The following RBFOX1 variants were observed in gnomAD, a reference collection of about 807,000 sequenced individuals.
RBFOX1 encodes the protein RNA binding fox-1 homolog 1, also known as RNA binding protein fox-1 homolog 1.
In RBFOX1, 8 loss-of-function variants were observed where a neutral mutation model predicts 57.7. The ratio of observed to expected loss-of-function variants is 0.14; its 90% CI spans 0.08 to 0.25. The LOEUF (loss-of-function observed/expected upper bound fraction) is 0.25. Among genes scored for constraint, RBFOX1 ranks in the 10% least tolerant of loss-of-function variants. The pLI is 1.00. For synonymous variants in RBFOX1, 326 were observed against 222.4 expected (o/e 1.47, Z -4.15); for missense variants, 611 against 548.5 (o/e 1.11, Z -1.14).
chr16:6,565,207 A>T (rs1234670958), intron 2 of RBFOX1, among the ~76,000 whole-genome samples: 1 of 151,540 alleles, frequency 6.6e-6, no homozygotes, highest in Non-Finnish European at 1.5e-5. Context: ...TAGAAAAGAC[A>T]AAGTACAAAT....
chr16:5,791,497 G>A (rs1342492802), intron 3 of RBFOX1, among the ~76,000 whole-genome samples: 1 of 152,122 alleles, frequency 6.6e-6, no homozygotes, highest in Non-Finnish European at 1.5e-5. Context: ...GGTCTATCGT[G>A]TTCATGCCTC....
At chr16:7,315,456 A>ACCCGCC (rs71391618) in intron 4 of RBFOX1, among the ~76,000 whole-genome samples, 1 of 123,770 alleles carries the variant, frequency 8.1e-6, no homozygotes, top group Non-Finnish European at 1.9e-5. Context: ...ACTCTACCCT[A>ACCCGCC]CCCCCCCCCC....
chr16:5,708,316 A>G (rs1016736298), intron 3 of RBFOX1, among the ~76,000 whole-genome samples: 5 of 152,184 alleles, frequency 3.3e-5, no homozygotes, highest in Non-Finnish European at 5.9e-5. Context: ...TGTTAGAGAT[A>G]AAGGACAAAA....
intron 2 of RBFOX1, among the ~76,000 whole-genome samples, chr16:6,648,876 T>C (rs2098554419): frequency 1.3e-5 from 2 of 152,240 alleles, no homozygotes; most frequent in African/African-American, 2.4e-5. Flanking sequence ...ATGTACAACA[T>C]GATGTTTGGA....
At chr16:5,397,145 C>G (rs1313213637) in intron 1 of RBFOX1, among the ~76,000 whole-genome samples, 1 of 152,198 alleles carries the variant, frequency 6.6e-6, no homozygotes, top group Non-Finnish European at 1.5e-5. Flanking sequence ...CAAAGTGAAA[C>G]CACAGGTGTC....
chr16:7,362,582 T>C (rs537706533), intron 4 of RBFOX1, among the ~76,000 whole-genome samples: 11 of 152,120 alleles, frequency 7.2e-5, no homozygotes, highest in Non-Finnish European at 1.5e-4. Context: ...TTAGTGTGTG[T>C]ATTAGTGTGT....
rs58070555 is a variant in RBFOX1, at chr16:5,435,688, CAT to C, written c.220-31527_220-31526del. Among the ~76,000 whole-genome samples, 52 of 152,300 alleles carry C rather than the reference CAT, an allele frequency of 3.4e-4. No homozygotes were observed. In the East Asian group the frequency reaches 8.3e-3, roughly 24 times the overall value. ...AATTTGGGAAGTCAGGGAAGGGAAA[CAT>C]GTGATCTCAAGCTGCCATATTGAAG... On this transcript the variant is annotated intron_variant, in intron 1 of 2. Coordinates refer to the RBFOX1 transcript ENST00000585867.
chr16:7,561,575 A>G (rs1182578715), intron 5 of RBFOX1, among the ~76,000 whole-genome samples: 1 of 152,226 alleles, frequency 6.6e-6, no homozygotes, highest in Admixed American at 6.5e-5. Flanking sequence ...TTTTGTTCAG[A>G]GACATATCGG....
chr16:7,043,966 C>A (rs1431239685), intron 3 of RBFOX1, among the ~76,000 whole-genome samples: 1 of 152,214 alleles, frequency 6.6e-6, no homozygotes, highest in Admixed American at 6.5e-5. Context: ...TTTTTCAATT[C>A]TCCAAGACAA....
chr16:6,796,542 G>C (rs2084097351), intron 3 of RBFOX1, among the ~76,000 whole-genome samples: 1 of 152,122 alleles, frequency 6.6e-6, no homozygotes. Flanking sequence ...TGTTGTCTAT[G>C]AATTCACTGC....
At chr16:6,450,079 T>G (rs1218631941) in intron 2 of RBFOX1, among the ~76,000 whole-genome samples, 1 of 152,166 alleles carries the variant, frequency 6.6e-6, no homozygotes, top group Non-Finnish European at 1.5e-5. Context: ...GCATGCCTTT[T>G]GTGCCTCTTT....
At chr16:7,025,175 G>C (rs1010760256) in intron 3 of RBFOX1, among the ~76,000 whole-genome samples, 1 of 152,080 alleles carries the variant, frequency 6.6e-6, no homozygotes, top group Admixed American at 6.6e-5. Context: ...CCATTTTTAT[G>C]GTTATTTCTT....
intron 4 of RBFOX1, among the ~76,000 whole-genome samples, chr16:7,454,466 T>C (rs2058075527): frequency 6.6e-6 from 1 of 152,206 alleles, no homozygotes; most frequent in South Asian, 2.1e-4. Flanking sequence ...TTTTCCATCA[T>C]ATGTGTGTTA....
Position 7,712,647 on chromosome 16 carries a change from G to C in RBFOX1, c.*1902G>C, listed in dbSNP as rs1310185603. The C allele has an allele frequency of 2.0e-5, 3 of 152,320 alleles. No individual in the cohort carries two copies. Among genetic ancestry groups the C allele is most frequent in the Admixed American group, 6.5e-5 (1 of 15,276 alleles). The allele number at this position is 152,320 out of a possible 1,614,324, so 9.4% of individuals were successfully genotyped here. ...TGGGTGGGTGAGGGGAGGGGCAAGA[G>C]GGTGTTTTATAGCATCACTAAGACA... is the stretch of plus-strand genomic sequence containing the variant. On this transcript the variant is annotated 3_prime_UTR_variant, in exon 16 of 16. Coordinates refer to ENST00000550418, the MANE Select transcript of RBFOX1 (RefSeq NM_018723.4).
intron 1 of RBFOX1, among the ~76,000 whole-genome samples, chr16:5,414,598 GA>G (rs1275101924): frequency 6.6e-6 from 1 of 152,162 alleles, no homozygotes; most frequent in Non-Finnish European, 1.5e-5. Context: ...CCAGCTTCCA[GA>G]AAGCTTAGCT....
chr16:7,626,872 G>C (rs528629008), intron 10 of RBFOX1, among the ~76,000 whole-genome samples: 2 of 152,148 alleles, frequency 1.3e-5, no homozygotes, highest in African/African-American at 2.4e-5. Flanking sequence ...TGAGGATCAG[G>C]TATTTTCCTA....
At chr16:6,504,134 T>C (rs542330494) in intron 2 of RBFOX1, among the ~76,000 whole-genome samples, 86 of 152,328 alleles carry the variant, frequency 5.6e-4, no homozygotes, top group African/African-American at 2.0e-3. Flanking sequence ...AGTAGTCATA[T>C]ACCTCTAGTG....
At chr16:6,979,534 A>T (rs1011829265) in intron 3 of RBFOX1, among the ~76,000 whole-genome samples, 3 of 152,222 alleles carry the variant, frequency 2.0e-5, no homozygotes, top group Non-Finnish European at 4.4e-5. Context: ...GAATATCTTC[A>T]ATTGGATACA....
intron 4 of RBFOX1, among the ~76,000 whole-genome samples, chr16:5,926,875 G>T (rs2058950280): frequency 6.6e-6 from 1 of 152,120 alleles, no homozygotes; most frequent in South Asian, 2.1e-4. Context: ...ATTTTTATTA[G>T]CTCCATTTTC....
Sources: gnomAD v4.1 joint callset for allele counts (sites outside exome capture counted in the v4.1 genomes callset) on GRCh38, gnomAD v4.1.1 for gene constraint, MANE v1.5 for transcripts, NCBI Gene and HGNC (gene_info 2026-07-23, HGNC 2026-07-21) for gene names.